GNG7: variants seen among roughly 807,000 people sequenced by gnomAD.
GNG7 encodes guanine nucleotide-binding protein G(I)/G(S)/G(O) subunit gamma-7.
In GNG7, 1 loss-of-function variant was observed where a neutral mutation model predicts 4.0. The ratio of observed to expected loss-of-function variants is 0.25; its 90% CI spans 0.09 to 1.18. The LOEUF (loss-of-function observed/expected upper bound fraction) is 1.18. Among genes scored for constraint, GNG7 ranks in the 50% most tolerant of loss-of-function variants. GNG7 has a pLI of 0.50. For synonymous variants in GNG7, 34 were observed against 36.9 expected, an observed-to-expected ratio of 0.92 and a Z score of 0.29; for missense variants, 86 against 91.9, an observed-to-expected ratio of 0.94 and a Z score of 0.26.
intron 1 of GNG7, among the ~76,000 whole-genome samples, chr19:2,694,228 C>CT (rs1007367379): frequency 3.5e-5 from 5 of 143,610 alleles, no homozygotes; most frequent in East Asian, 2.0e-4. Context: ...TTTTTTGTTG[C>CT]TTTTTTTTGG....
chr19:2,535,414 C>A (rs149073153), intron 3 of GNG7, among the ~76,000 whole-genome samples: 3 of 151,170 alleles, frequency 2.0e-5, no homozygotes, highest in African/African-American at 7.3e-5. Context: ...GTGGGAGAAT[C>A]GCTTGAGCCC....
intron 3 of GNG7, among the ~76,000 whole-genome samples, chr19:2,531,235 C>T (rs60988025): frequency 0.035 from 4,810 of 135,822 alleles, 253 homozygotes; most frequent in African/African-American, 0.13. Context: ...ATCCGGGAGA[C>T]GGTGGTTGCA....
intron 2 of GNG7, among the ~76,000 whole-genome samples, chr19:2,584,660 GA>G (rs1980596020): frequency 9.9e-6 from 1 of 101,278 alleles, no homozygotes; most frequent in South Asian, 4.6e-4. Flanking sequence ...GGGAGGGAAG[GA>G]AGGAAAGAAG....
Position 2,512,871 on chromosome 19 carries a change from C to T in GNG7, c.*2151G>A, listed in dbSNP as rs948705486. On this transcript the variant is annotated 3_prime_UTR_variant, in exon 5 of 5. Transcript: ENST00000382159. This position sits in a 1 kb window ranked among gnomAD's most constrained non-coding sequence, Gnocchi z 4.7. ...AGGGTCTCTGGAACAGGCTTTTGTC[C>T]CTTCCTGCCATTCCTGCTATGCGTG... 4 of 982,232 alleles carry T rather than the reference C, an allele frequency of 4.1e-6. No homozygotes were observed. In the African/African-American group the frequency reaches 7.0e-5, roughly 17 times the overall value. 60.8% of individuals were successfully genotyped at this position (982,232 alleles called of 1,614,324 possible). A position where few individuals can be genotyped will look rare whatever the true frequency, so the allele number is the denominator to read the frequency against.
chr19:2,682,655 CAAAAAAAAAAA>C (rs745799326), intron 1 of GNG7, among the ~76,000 whole-genome samples: 1,557 of 64,398 alleles, frequency 0.024, 53 homozygotes, highest in African/African-American at 0.099. Context: ...GACTCCATCT[CAAAAAAAAAAA>C]AAAAAAAAAA....
chr19:2,561,080 C>G (rs1420353009), intron 2 of GNG7, among the ~76,000 whole-genome samples: 1 of 152,106 alleles, frequency 6.6e-6, no homozygotes, highest in East Asian at 1.9e-4. Flanking sequence ...GCTCCTGGGA[C>G]TCACCTCCTC....
intron 2 of GNG7, among the ~76,000 whole-genome samples, chr19:2,569,967 A>T (rs1980095755): frequency 6.6e-6 from 1 of 152,122 alleles, no homozygotes; most frequent in African/African-American, 2.4e-5. Context: ...CATGGGGCCA[A>T]TGTTTGTGCC....
chr19:2,560,415 G>T (rs553304973), intron 2 of GNG7, among the ~76,000 whole-genome samples: 1 of 152,192 alleles, frequency 6.6e-6, no homozygotes, highest in Admixed American at 6.5e-5. Context: ...GGGGGCCCAA[G>T]CAGGACCCCT....
At chr19:2,577,464 C>T (rs1980375565) in intron 2 of GNG7, among the ~76,000 whole-genome samples, 2 of 152,120 alleles carry the variant, frequency 1.3e-5, no homozygotes, top group Admixed American at 6.5e-5. Flanking sequence ...AGACCCTCCT[C>T]GGGCCTTCTC....
At chr19:2,532,156 A>G (rs1978613855) in intron 3 of GNG7, among the ~76,000 whole-genome samples, 1 of 42,172 alleles carries the variant, frequency 2.4e-5, no homozygotes, top group Non-Finnish European at 3.9e-5. Flanking sequence ...GTCTCAAAAA[A>G]AAAAACAAAA....
intron 2 of GNG7, among the ~76,000 whole-genome samples, chr19:2,612,188 T>C (rs1981589644): frequency 6.6e-6 from 1 of 152,136 alleles, no homozygotes; most frequent in South Asian, 2.1e-4. Context: ...TTTCTTTCTT[T>C]TTAATAATTG....
intron 1 of GNG7, among the ~76,000 whole-genome samples, chr19:2,660,161 T>C (rs1983109856): frequency 6.6e-6 from 1 of 152,168 alleles, no homozygotes; most frequent in African/African-American, 2.4e-5. Context: ...AGGATGCATG[T>C]GTAAATCCCA....
intron 2 of GNG7, among the ~76,000 whole-genome samples, chr19:2,597,879 G>A (rs538815204): frequency 1.8e-3 from 257 of 140,352 alleles, no homozygotes; most frequent in Middle Eastern, 7.5e-3. Flanking sequence ...CTGGGCAACA[G>A]AGTGAGACTC....
intron 2 of GNG7, among the ~76,000 whole-genome samples, chr19:2,578,117 C>T (rs1327132578): frequency 1.3e-5 from 2 of 152,018 alleles, no homozygotes; most frequent in African/African-American, 4.8e-5. Flanking sequence ...AGATTACAGG[C>T]GTGAGCCACC....
At chr19:2,659,115 G>A (rs375355874) in intron 1 of GNG7, among the ~76,000 whole-genome samples, 21 of 151,884 alleles carry the variant, frequency 1.4e-4, no homozygotes, top group Non-Finnish European at 2.2e-4. Context: ...GACTACAGGC[G>A]CCCGCCACCA....
At chr19:2,539,316 T>C (rs1463854398) in intron 3 of GNG7, among the ~76,000 whole-genome samples, 1 of 132,482 alleles carries the variant, frequency 7.5e-6, no homozygotes, top group Non-Finnish European at 1.6e-5. Flanking sequence ...AACTTTTTTT[T>C]TTTTTTTGGA....
At chr19:2,685,188 G>T (rs959543753) in intron 1 of GNG7, among the ~76,000 whole-genome samples, 20 of 151,968 alleles carry the variant, frequency 1.3e-4, no homozygotes, top group African/African-American at 4.4e-4. Context: ...TGGGGAGGGG[G>T]CTGGGGAGTC....
chr19:2,593,037 GGAAA>G (rs1980898864), intron 2 of GNG7, among the ~76,000 whole-genome samples: 1 of 145,774 alleles, frequency 6.9e-6, no homozygotes, highest in Admixed American at 6.9e-5. Flanking sequence ...AAGGAAGGAA[GGAAA>G]GAAGGAAGGA....
intron 2 of GNG7, among the ~76,000 whole-genome samples, chr19:2,599,462 C>T (rs1446551319): frequency 6.6e-6 from 1 of 151,850 alleles, no homozygotes; most frequent in Non-Finnish European, 1.5e-5. Context: ...GGTGGAGGTG[C>T]GGACCTGGGA....
Sources: gnomAD v4.1 joint callset for allele counts (sites outside exome capture counted in the v4.1 genomes callset) on GRCh38, gnomAD v4.1.1 for gene constraint, Gnocchi (gnomAD v3.1) non-coding constraint, MANE v1.5 for transcripts, NCBI Gene and HGNC (gene_info 2026-07-23, HGNC 2026-07-21) for gene names.